KCNMB2: variants seen among roughly 807,000 people sequenced by gnomAD.
The protein encoded by KCNMB2 is potassium calcium-activated channel subfamily M regulatory beta subunit 2.
Under a neutral mutation model 24.5 loss-of-function variants are expected in KCNMB2, and 9 were observed. The ratio of observed to expected loss-of-function variants is 0.37; its 90% CI spans 0.22 to 0.64. KCNMB2 has a LOEUF of 0.64. Among genes scored for constraint, KCNMB2 ranks in the 30% least tolerant of loss-of-function variants. The pLI is 0.63. For missense variants in KCNMB2, 226 were observed against 284.3 expected, an observed-to-expected ratio of 0.79 and a Z score of 1.47; for synonymous variants, 109 against 104.4, an observed-to-expected ratio of 1.04 and a Z score of -0.27.
At chr3:178,603,672 C>T (rs999000845) in intron 1 of KCNMB2, among the ~76,000 whole-genome samples, 1 of 152,008 alleles carries the variant, frequency 6.6e-6, no homozygotes, top group African/African-American at 2.4e-5. Flanking sequence ...AGAGTTGAGA[C>T]CATAGGGAGA....
chr3:178,672,250 T>A (rs1720925066), intron 1 of KCNMB2, among the ~76,000 whole-genome samples: 1 of 152,208 alleles, frequency 6.6e-6, no homozygotes, highest in Non-Finnish European at 1.5e-5. Context: ...GTCACATGGA[T>A]TCCTTACCAC....
At chr3:178,608,025 T>A (rs546572923) in intron 1 of KCNMB2, among the ~76,000 whole-genome samples, 1 of 152,266 alleles carries the variant, frequency 6.6e-6, no homozygotes, top group East Asian at 1.9e-4. Context: ...ATATTTTGAA[T>A]CATCCTAAAC....
chr3:178,681,354 A>G (rs1721265836), intron 1 of KCNMB2, among the ~76,000 whole-genome samples: 1 of 152,230 alleles, frequency 6.6e-6, no homozygotes, highest in Non-Finnish European at 1.5e-5. Context: ...ATTCACATTC[A>G]GGTGCTTTTG....
chr3:178,731,224 T>C (rs1723139453), intron 1 of KCNMB2, among the ~76,000 whole-genome samples: 2 of 152,164 alleles, frequency 1.3e-5, no homozygotes, highest in African/African-American at 4.8e-5. Context: ...AATCATACCA[T>C]TTCTATATGA....
intron 1 of KCNMB2, among the ~76,000 whole-genome samples, chr3:178,639,991 G>C (rs371962770): frequency 6.6e-6 from 1 of 152,210 alleles, no homozygotes; most frequent in East Asian, 1.9e-4. Flanking sequence ...ATACTGTTAT[G>C]TATGTGTCTA....
chr3:178,786,712 A>ATG (rs978990309), intron 1 of KCNMB2, among the ~76,000 whole-genome samples: 1 of 152,288 alleles, frequency 6.6e-6, no homozygotes, highest in Non-Finnish European at 1.5e-5. Context: ...CGTTGTGCAC[A>ATG]TGTACCCTAA....
chr3:178,717,224 T>G (rs1350944041), intron 1 of KCNMB2, among the ~76,000 whole-genome samples: 2 of 152,174 alleles, frequency 1.3e-5, no homozygotes, highest in Non-Finnish European at 2.9e-5. Context: ...GCTTTTAAAC[T>G]GGCCACCTGT....
At chr3:178,569,997 C>G (rs1020868334) in intron 1 of KCNMB2, among the ~76,000 whole-genome samples, 1 of 152,160 alleles carries the variant, frequency 6.6e-6, no homozygotes, top group Admixed American at 6.5e-5. Context: ...TATTATTTCT[C>G]TACTCCTGGC....
At chr3:178,627,356 C>T (rs947607083) in intron 1 of KCNMB2, among the ~76,000 whole-genome samples, 1 of 152,092 alleles carries the variant, frequency 6.6e-6, no homozygotes, top group Non-Finnish European at 1.5e-5. Flanking sequence ...GATGTTGTGG[C>T]TTTGAACATC....
chr3:178,839,695 C>T (rs1435565347), intron 4 of KCNMB2, among the ~76,000 whole-genome samples: 1 of 152,110 alleles, frequency 6.6e-6, no homozygotes, highest in Admixed American at 6.6e-5. Flanking sequence ...AGGGGGCTGC[C>T]AGACACTTTT....
chr3:178,543,152 T>C (rs1313097420), intron 1 of KCNMB2, among the ~76,000 whole-genome samples: 2 of 152,308 alleles, frequency 1.3e-5, no homozygotes, highest in South Asian at 2.1e-4. Flanking sequence ...ATTCATTCAA[T>C]AGATGTCATT....
chr3:178,843,529 A>G lies in KCNMB2; in HGVS notation c.*592A>G, dbSNP rs1715504906. 5.4e-6 allele frequency: 1 copy of G among 185,420 alleles called. No homozygotes were observed. The highest frequency in any genetic ancestry group is 2.4e-5 in the African/African-American group (1 of 41,620). The allele number at this position is 185,420 out of a possible 1,614,324, so 11.5% of individuals were successfully genotyped here. ...TCATAACTTCAGATTTGTAAAACTA[A>G]TTTCCAAAATATAAGCTGTTTTCAT... On this transcript the variant is annotated 3_prime_UTR_variant, in exon 5 of 5. Transcript: ENST00000452583.
At chr3:178,669,219 G>A (rs977678513) in intron 1 of KCNMB2, among the ~76,000 whole-genome samples, 10 of 152,116 alleles carry the variant, frequency 6.6e-5, no homozygotes, top group African/African-American at 2.2e-4. Flanking sequence ...GTGACCCACA[G>A]GGGAATTCAG....
At chr3:178,755,032 G>A (rs1377015957) in intron 1 of KCNMB2, among the ~76,000 whole-genome samples, 1 of 152,184 alleles carries the variant, frequency 6.6e-6, no homozygotes, top group Non-Finnish European at 1.5e-5. Flanking sequence ...CCCCATTCTG[G>A]CAGGCACACA....
chr3:178,616,392 A>G (rs6762008), intron 1 of KCNMB2, among the ~76,000 whole-genome samples: 65,371 of 151,724 alleles, frequency 0.43, 16,813 homozygotes, highest in African/African-American at 0.73. Context: ...TGGTTTAAAC[A>G]CTCCCTCCTT....
At chr3:178,838,564 G>A (rs1295899349) in intron 4 of KCNMB2, among the ~76,000 whole-genome samples, 1 of 107,946 alleles carries the variant, frequency 9.3e-6, no homozygotes, top group Admixed American at 8.6e-5. Context: ...AATGACTACA[G>A]CTCAGCAAAA....
At chr3:178,708,689 A>T (rs1333793003) in intron 1 of KCNMB2, among the ~76,000 whole-genome samples, 3 of 152,036 alleles carry the variant, frequency 2.0e-5, no homozygotes, top group Non-Finnish European at 2.9e-5. Context: ...TACCTGCTTT[A>T]TTTCATTTAA....
chr3:178,770,971 T>G (rs890785480), intron 1 of KCNMB2, among the ~76,000 whole-genome samples: 2 of 152,192 alleles, frequency 1.3e-5, no homozygotes, highest in African/African-American at 4.8e-5. Context: ...CAGCACAGGA[T>G]AAGTCCAACA....
At chr3:178,633,275 T>C (rs1719388089) in intron 1 of KCNMB2, among the ~76,000 whole-genome samples, 1 of 152,142 alleles carries the variant, frequency 6.6e-6, no homozygotes, top group Non-Finnish European at 1.5e-5. Context: ...GGACTCTGTG[T>C]GGGGGATTCA....
Sources: gnomAD v4.1 joint callset for allele counts (sites outside exome capture counted in the v4.1 genomes callset) on GRCh38, gnomAD v4.1.1 for gene constraint, MANE v1.5 for transcripts, NCBI Gene and HGNC (gene_info 2026-07-23, HGNC 2026-07-21) for gene names.